The following DZANK1 variants were observed in gnomAD, a reference collection of about 807,000 sequenced individuals.
DZANK1 encodes double zinc ribbon and ankyrin repeat domains 1.
In DZANK1, 91 loss-of-function variants were observed where a neutral mutation model predicts 94.5. That is an observed-to-expected ratio of 0.96 (90% CI 0.81 to 1.15). The LOEUF is 1.15. Among genes scored for constraint, DZANK1 ranks in the 50% most tolerant of loss-of-function variants. DZANK1 has a pLI of 0.00. For synonymous variants in DZANK1, 312 were observed against 325.3 expected, an observed-to-expected ratio of 0.96 and a Z score of 0.44; for missense variants, 903 against 916.4, an observed-to-expected ratio of 0.99 and a Z score of 0.19.
rs79951477 is a variant in DZANK1 at position 18,384,738 on chromosome 20, A to C, written c.2094-174T>G. On this transcript the variant is annotated intron_variant, in intron 20 of 20. Transcript: ENST00000262547. ...GTTCTCAGAGGTGGCTCTACCCTGA[A>C]ACCTTTAAAGAGGCTCTGTGATTTC... 8.8e-4 allele frequency among the ~76,000 whole-genome samples: 134 copies of C among 152,288 alleles called. 1 individual carries two copies. In the East Asian group the frequency reaches 0.012, roughly 14 times the overall value.
chr20:18,395,425 C>A (rs144013338), intron 15 of DZANK1, among the ~76,000 whole-genome samples: 3 of 152,278 alleles, frequency 2.0e-5, no homozygotes, highest in African/African-American at 4.8e-5. Flanking sequence ...TACTCCAATT[C>A]TACTTGTGAG....
At chr20:18,386,500 G>C (rs1310431009) in intron 19 of DZANK1, among the ~76,000 whole-genome samples, 1 of 152,156 alleles carries the variant, frequency 6.6e-6, no homozygotes, top group African/African-American at 2.4e-5. Flanking sequence ...ACAAAAGTAT[G>C]AGACTATGAA....
chr20:18,389,932 C>A lies in DZANK1; in HGVS notation c.1891-104G>T. ...ACAGATGTCCTTTACAGAGCTGATGCAACTAAAGTGCTTTCAGATCAAAGG... is the reference window on the plus strand; with the variant it reads ...ACAGATGTCCTTTACAGAGCTGATGAAACTAAAGTGCTTTCAGATCAAAGG... On this transcript the variant is annotated intron_variant, in intron 18 of 20. Transcript: ENST00000262547. 4.7e-6 allele frequency: 7 copies of A among 1,499,542 alleles called. No homozygotes were observed. The South Asian group carries it at 6.5e-5, about 14-fold the overall frequency. 92.9% of individuals were successfully genotyped at this position (1,499,542 alleles called of 1,614,324 possible).
intron 9 of DZANK1, among the ~76,000 whole-genome samples, chr20:18,430,459 A>G (rs2058237859): frequency 6.6e-6 from 1 of 152,214 alleles, no homozygotes; most frequent in African/African-American, 2.4e-5. Flanking sequence ...TTCTTGATAA[A>G]TGTTTTTAGT....
intron 2 of DZANK1, among the ~76,000 whole-genome samples, chr20:18,462,079 G>T (rs188237478): frequency 6.6e-6 from 1 of 152,022 alleles, no homozygotes; most frequent in Admixed American, 6.6e-5. Context: ...CTATCTTGTA[G>T]TTTCAATTCA....
At chr20:18,462,722 G>A (rs967259905) in intron 2 of DZANK1, among the ~76,000 whole-genome samples, 8 of 152,046 alleles carry the variant, frequency 5.3e-5, no homozygotes, top group African/African-American at 1.9e-4. Context: ...GAGGCCGGGC[G>A]CGGTGGTTCA....
intron 8 of DZANK1, chr20:18,433,987 G>A (rs1010787060): frequency 1.6e-5 from 8 of 498,038 alleles, no homozygotes; most frequent in Non-Finnish European, 2.5e-5. Flanking sequence ...CTTTATGATG[G>A]ATATGCTAAT....
intron 1 of DZANK1, among the ~76,000 whole-genome samples, chr20:18,466,419 G>C (rs577922005): frequency 6.6e-6 from 1 of 152,208 alleles, no homozygotes; most frequent in South Asian, 2.1e-4. Flanking sequence ...TCAAAAATGG[G>C]GTACCTAAAT....
intron 9 of DZANK1, 43 bp downstream of exon 9, chr20:18,433,609 C>T (rs368939001): frequency 6.4e-7 from 1 of 1,550,580 alleles, no homozygotes; most frequent in Non-Finnish European, 8.9e-7. Context: ...TCAAACATTA[C>T]TATGTATTTC....
intron 7 of DZANK1, among the ~76,000 whole-genome samples, chr20:18,448,651 G>A (rs1440022784): frequency 6.6e-6 from 1 of 151,984 alleles, no homozygotes; most frequent in Non-Finnish European, 1.5e-5. Context: ...GGCAGATCAC[G>A]AGGTCAAGAG....
At chr20:18,398,581 C>G in exon 14 of DZANK1, 1 of 1,614,008 alleles carries the variant, frequency 6.2e-7, no homozygotes, top group Non-Finnish European at 8.5e-7. Context: ...CTGAGCATAA[C>G]ACCTGAGGTG....
intron 14 of DZANK1, among the ~76,000 whole-genome samples, chr20:18,397,582 C>T (rs1041373916): frequency 1.3e-5 from 2 of 152,124 alleles, no homozygotes; most frequent in African/African-American, 4.8e-5. Context: ...TGTGAAAAAC[C>T]ACCCCAAACT....
intron 10 of DZANK1, among the ~76,000 whole-genome samples, chr20:18,419,038 G>C (rs2057635534): frequency 6.6e-6 from 1 of 152,148 alleles, no homozygotes; most frequent in Non-Finnish European, 1.5e-5. Context: ...GAGACAGGTG[G>C]ATCGCTTGAG....
chr20:18,410,618 C>G (rs6045385), intron 13 of DZANK1, among the ~76,000 whole-genome samples: 2 of 151,432 alleles, frequency 1.3e-5, no homozygotes, highest in Admixed American at 1.3e-4. Context: ...ATTTAAAAAA[C>G]AAACAAACAG....
At chr20:18,390,509 C>A in intron 17 of DZANK1, 50 bp from the exon 18 acceptor site, 1 of 1,533,222 alleles carries the variant, frequency 6.5e-7, no homozygotes, top group South Asian at 1.1e-5. Flanking sequence ...AATATTCACT[C>A]AAGGCAAACA....
At position 18,396,551 on chromosome 20, in the gene DZANK1, T is replaced by A; in HGVS notation, c.1537-5A>T. 1 of 1,611,594 alleles carries A rather than the reference T, an allele frequency of 6.2e-7. No individual in the cohort carries two copies. Among genetic ancestry groups the A allele is most frequent in the Non-Finnish European group, 8.5e-7 (1 of 1,178,424 alleles). Reference sequence around the variant, plus strand: ...GTGGACAGTAGCAGAGATAAGCTTTTAAAAGAGTTGTAGAGAGAATTCATA... The same window carrying A: ...GTGGACAGTAGCAGAGATAAGCTTTAAAAAGAGTTGTAGAGAGAATTCATA... On this transcript the variant is annotated splice_region_variant and splice_polypyrimidine_tract_variant and intron_variant, in intron 14 of 20. Coordinates refer to ENST00000262547, the Ensembl canonical transcript of DZANK1.
chr20:18,464,651 T>C (rs558446231), intron 2 of DZANK1, among the ~76,000 whole-genome samples: 36 of 151,114 alleles, frequency 2.4e-4, no homozygotes, highest in African/African-American at 8.0e-4. Context: ...TTGGAAAAGT[T>C]TGGGGAGCAC....
intron 15 of DZANK1, 40 bp from the exon 16 acceptor site, chr20:18,394,390 C>T (rs1287357269): frequency 1.9e-6 from 3 of 1,576,872 alleles, no homozygotes; most frequent in African/African-American, 2.7e-5. Context: ...AATGATGAGG[C>T]TGCTTTGTCC....
At chr20:18,419,154 C>A (rs767462044) in intron 10 of DZANK1, among the ~76,000 whole-genome samples, 5 of 150,700 alleles carry the variant, frequency 3.3e-5, no homozygotes, top group Admixed American at 6.6e-5. Flanking sequence ...TCCAGCTACT[C>A]GGGAGGGTGA....
Sources: allele counts gnomAD v4.1 joint callset (sites outside exome capture counted in the v4.1 genomes callset), GRCh38; gene constraint gnomAD v4.1.1; transcripts MANE v1.5; gene names NCBI Gene and HGNC (gene_info 2026-07-23, HGNC 2026-07-21).